Variants in ALDH5A1 observed in about 807,000 individuals in gnomAD.
The protein encoded by ALDH5A1 is succinate-semialdehyde dehydrogenase, mitochondrial.
ALDH5A1 carries 33 observed loss-of-function variants against 54.7 expected under a neutral mutation model. That is an observed-to-expected ratio of 0.60 (90% CI 0.46 to 0.81). The LOEUF (loss-of-function observed/expected upper bound fraction) is 0.81, where lower values mean the gene tolerates loss of function less well. Among genes scored for constraint, ALDH5A1 ranks in the 30% least tolerant of loss-of-function variants. The pLI, the probability that ALDH5A1 is intolerant of heterozygous loss-of-function variation, is 0.00. For synonymous variants in ALDH5A1, 294 were observed against 292.7 expected, an observed-to-expected ratio of 1.00 and a Z score of -0.05; for missense variants, 657 against 711.0, an observed-to-expected ratio of 0.92 and a Z score of 0.86.
Position 24,495,289 on chromosome 6 carries a change from C to G in ALDH5A1, c.293C>G (p.Ala98Gly), listed in dbSNP as rs535825137. Residue 98 changes from alanine (A) to glycine (G), a missense_variant, in exon 1 of 10, where the codon GCC becomes GGC. By Grantham distance (60) the Ala-to-Gly change is moderately conservative. Around this residue, in one of 2 missense-constraint regions of ALDH5A1, gnomAD observed 232 missense variants for 194.6 expected, o/e 1.19. Transcript: ENST00000357578. ...GMVADCGVRE[A>G]RAAVRAAYEA... Reference sequence around the variant, plus strand: ...GTAGCCGACTGCGGGGTGCGAGAGGCCCGCGCCGCCGTGCGCGCTGCCTAC... The same window carrying G: ...GTAGCCGACTGCGGGGTGCGAGAGGGCCGCGCCGCCGTGCGCGCTGCCTAC... 208 of 1,533,102 alleles carry G rather than the reference C, an allele frequency of 1.4e-4. 1 individual carries two copies. In the African/African-American group the frequency reaches 2.6e-3, roughly 19 times the overall value. The allele number at this position is 1,533,102 out of a possible 1,614,324, so 95.0% of individuals were successfully genotyped here. A position where few individuals can be genotyped will look rare whatever the true frequency, so the allele number is the denominator to read the frequency against.
chr6:24,530,803 C>T (rs1424036891), intron 8 of ALDH5A1, among the ~76,000 whole-genome samples: 1 of 152,256 alleles, frequency 6.6e-6, no homozygotes, highest in African/African-American at 2.4e-5. Context: ...CAAGCCAGCC[C>T]TGCTGCTTTT....
intron 5 of ALDH5A1, among the ~76,000 whole-genome samples, chr6:24,515,798 G>T (rs192836399): frequency 6.6e-6 from 1 of 152,146 alleles, no homozygotes; most frequent in Non-Finnish European, 1.5e-5. Context: ...TTTGTGGCAC[G>T]ACATAGGTTC....
At chr6:24,511,721 A>G in intron 4 of ALDH5A1, 1 of 383,698 alleles carries the variant, frequency 2.6e-6, no homozygotes, top group African/African-American at 2.3e-5. Context: ...TTCTCCCCTT[A>G]TTTCTTGTAT....
At chr6:24,506,243 C>CTTTTTTGTTTTTTTTT (rs1759349775) in intron 4 of ALDH5A1, among the ~76,000 whole-genome samples, 1 of 52,132 alleles carries the variant, frequency 1.9e-5, no homozygotes, top group Non-Finnish European at 3.4e-5. Flanking sequence ...TTCCTGGTTC[C>CTTTTTTGTTTTTTTTT]TTTTTTTTTT....
intron 9 of ALDH5A1, among the ~76,000 whole-genome samples, chr6:24,533,243 C>G (rs1377346902): frequency 6.6e-6 from 1 of 152,116 alleles, no homozygotes; most frequent in Non-Finnish European, 1.5e-5. Context: ...GGAAATCTAA[C>G]AGGTGTGCAG....
In ALDH5A1 at chr6:24,508,400, TCTAATC is replaced by T. The variant is rs1759402364; in HGVS notation, c.726+3418_726+3423del. Among the ~76,000 whole-genome samples the T allele has an allele frequency of 2.5e-4, 2 of 7,916 alleles. 1 individual carries two copies. The highest frequency in any genetic ancestry group is 1.9e-3 in the East Asian group (2 of 1,060). 5.2% of individuals were successfully genotyped at this position (7,916 alleles called of 152,430 possible). ...AAAAAAAAAAAAAAGATTAATAGTC[TCTAATC>T]CTCTAATCTCATCCAGCCCACTGCA... On this transcript the variant is annotated intron_variant, in intron 4 of 9. Coordinates refer to ENST00000357578, the MANE Select transcript of ALDH5A1 (RefSeq NM_001080.3).
At chr6:24,531,387 C>G (rs545909815) in intron 8 of ALDH5A1, among the ~76,000 whole-genome samples, 1 of 152,202 alleles carries the variant, frequency 6.6e-6, no homozygotes, top group Non-Finnish European at 1.5e-5. Flanking sequence ...TAGCTCTAGA[C>G]TTTGCTACTT....
At chr6:24,505,638 C>T (rs546717637) in intron 4 of ALDH5A1, among the ~76,000 whole-genome samples, 1 of 152,254 alleles carries the variant, frequency 6.6e-6, no homozygotes, top group South Asian at 2.1e-4. Context: ...TCAAATTCCT[C>T]TCTCCCAGGG....
At chr6:24,501,377 G>T (rs1020851124) in intron 1 of ALDH5A1, among the ~76,000 whole-genome samples, 1 of 152,174 alleles carries the variant, frequency 6.6e-6, no homozygotes, top group Non-Finnish European at 1.5e-5. Flanking sequence ...CTTGATGGAA[G>T]GAACTCTCCA....
At chr6:24,508,361 C>CAAAAA (rs1214819272) in intron 4 of ALDH5A1, among the ~76,000 whole-genome samples, 9 of 13,084 alleles carry the variant, frequency 6.9e-4, no homozygotes, top group South Asian at 1.9e-3. Context: ...ACTCCATCTC[C>CAAAAA]AAAAAAAAAA....
In ALDH5A1 at chr6:24,495,126, C is replaced by G. The variant is rs185042766; in HGVS notation, c.130C>G (p.Leu44Val). Reference sequence around the variant, plus strand: ...CGGGCCTGCGCCCGGCCCGGCCCAGCTCCGCTGCTACGCTGGGCGCCTGGC... The same window carrying G: ...CGGGCCTGCGCCCGGCCCGGCCCAGGTCCGCTGCTACGCTGGGCGCCTGGC... ...ASGPAPGPAQ[L>V]RCYAGRLAGL... The change falls in exon 1 of 10, where the codon CTC becomes GTC. Residue 44 changes from leucine to valine, a missense_variant. This residue lies in a region of ALDH5A1 where 232 missense variants were observed against 194.6 expected (regional missense o/e 1.19). Coordinates refer to ENST00000357578, the MANE Select transcript of ALDH5A1 (RefSeq NM_001080.3). The G allele has an allele frequency of 4.8e-4, 659 of 1,382,708 alleles. 3 individuals are homozygous for G. The African/African-American group carries it at 8.7e-3, about 18-fold the overall frequency. The allele number at this position is 1,382,708 out of a possible 1,614,324, so 85.7% of individuals were successfully genotyped here. A position where few individuals can be genotyped will look rare whatever the true frequency, so the allele number is the denominator to read the frequency against.
At chr6:24,502,920 T>C (rs1759232427) in intron 2 of ALDH5A1, among the ~76,000 whole-genome samples, 1 of 152,054 alleles carries the variant, frequency 6.6e-6, no homozygotes, top group Non-Finnish European at 1.5e-5. Context: ...TTTAAACTTG[T>C]TTTTGTACAT....
intron 1 of ALDH5A1, among the ~76,000 whole-genome samples, chr6:24,497,798 T>C (rs1467908975): frequency 1.3e-5 from 2 of 152,100 alleles, no homozygotes; most frequent in South Asian, 2.1e-4. Context: ...AAGGACTTGG[T>C]TTTTACTTTG....
Position 24,500,791 on chromosome 6 carries a change from G to A in ALDH5A1, c.355-1732G>A, listed in dbSNP as rs1036524218. On this transcript the variant is annotated intron_variant, in intron 1 of 9. Coordinates refer to ENST00000357578, the MANE Select transcript of ALDH5A1 (RefSeq NM_001080.3). ...TATTTTATCTTTTATAATTTATGAC[G>A]CAGTATACCTCTTTAGATGCAACTT... 1.6e-4 allele frequency among the ~76,000 whole-genome samples: 24 copies of A among 152,004 alleles called. No individual in the cohort carries two copies. The East Asian group carries it at 3.5e-3, about 22-fold the overall frequency.
In ALDH5A1 at chr6:24,533,399, C is replaced by G. The variant is rs1460783662; in HGVS notation, c.1403-108C>G. 4 of 1,177,210 alleles carry G rather than the reference C, an allele frequency of 3.4e-6. No homozygotes were observed. In the East Asian group the frequency reaches 7.5e-5, roughly 22 times the overall value. The allele number at this position is 1,177,210 out of a possible 1,614,324, so 72.9% of individuals were successfully genotyped here. A position where few individuals can be genotyped will look rare whatever the true frequency, so the allele number is the denominator to read the frequency against. ...CTTTATCTGGGAGCAGGGAAGACTC[C>G]AGGCCCAAGTGGCTGGACAAAAAGT... is the stretch of plus-strand genomic sequence containing the variant. On this transcript the variant is annotated intron_variant, in intron 9 of 9. Coordinates refer to ENST00000357578, the MANE Select transcript of ALDH5A1 (RefSeq NM_001080.3).
intron 7 of ALDH5A1, 85 bp from the exon 8 acceptor site, chr6:24,527,912 A>G (rs1759851186): frequency 4.1e-6 from 6 of 1,472,592 alleles, no homozygotes; most frequent in South Asian, 1.2e-5. Context: ...AGAAAAAAAA[A>G]TGGAACTAGT....
chr6:24,528,731 T>G (rs1759869959), intron 8 of ALDH5A1, among the ~76,000 whole-genome samples: 1 of 151,124 alleles, frequency 6.6e-6, no homozygotes, highest in African/African-American at 2.4e-5. Flanking sequence ...AGATGGAGGA[T>G]GGAGTCTTGC....
At chr6:24,496,194 A>G (rs924510981) in intron 1 of ALDH5A1, among the ~76,000 whole-genome samples, 5 of 152,210 alleles carry the variant, frequency 3.3e-5, no homozygotes, top group African/African-American at 1.2e-4. Flanking sequence ...CACCTGCTGT[A>G]TGCCCTGCAC....
At chr6:24,528,999 T>C (rs752531413) in intron 8 of ALDH5A1, among the ~76,000 whole-genome samples, 1 of 152,202 alleles carries the variant, frequency 6.6e-6, no homozygotes, top group East Asian at 1.9e-4. Flanking sequence ...TCCTTCTTAA[T>C]GTATTATACC....
Sources: allele counts gnomAD v4.1 joint callset (sites outside exome capture counted in the v4.1 genomes callset), GRCh38; gene constraint gnomAD v4.1.1; regional missense constraint gnomAD v4.1.1; transcripts MANE v1.5; gene names NCBI Gene and HGNC (gene_info 2026-07-23, HGNC 2026-07-21).